AKT3: variants seen among roughly 807,000 people sequenced by gnomAD.
The protein encoded by AKT3 is RAC-gamma serine/threonine-protein kinase.
A neutral mutation model predicts 65.3 loss-of-function variants in AKT3; 15 were observed. The ratio of observed to expected loss-of-function variants is 0.23; its 90% CI spans 0.15 to 0.35. The LOEUF (loss-of-function observed/expected upper bound fraction) is 0.35, where lower values mean the gene tolerates loss of function less well. Ranked by LOEUF, AKT3 falls within the 10% of genes least tolerant of loss-of-function variation. AKT3 has a pLI of 1.00. For missense variants in AKT3, 243 were observed against 576.5 expected, an observed-to-expected ratio of 0.42 and a Z score of 5.92; for synonymous variants, 206 against 183.8, an observed-to-expected ratio of 1.12 and a Z score of -0.98.
intron 2 of AKT3, among the ~76,000 whole-genome samples, chr1:243,803,645 T>TACACACACAC (rs72379577): frequency 7.3e-6 from 1 of 136,628 alleles, no homozygotes; most frequent in African/African-American, 2.7e-5. Context: ...GACGTACATG[T>TACACACACAC]ACACACACAC....
intron 8 of AKT3, among the ~76,000 whole-genome samples, chr1:243,574,505 A>T (rs1674797554): frequency 6.6e-6 from 1 of 152,170 alleles, no homozygotes; most frequent in South Asian, 2.1e-4. Flanking sequence ...AAGGTAAAAA[A>T]GGTTGTCAGT....
At position 243,810,160 on chromosome 1, in the gene AKT3, C is replaced by A. The variant is rs1045708853; in HGVS notation, c.46+32965G>T. Reference sequence around the variant, plus strand: ...ACATTCAAAAGCTAGCAGAAGGCAACAAAATAACTAAGATGAGAGCAGAAC... The same window carrying A: ...ACATTCAAAAGCTAGCAGAAGGCAAAAAAATAACTAAGATGAGAGCAGAAC... On this transcript the variant is annotated intron_variant, in intron 2 of 13. Coordinates refer to ENST00000673466, the MANE Select transcript of AKT3 (RefSeq NM_005465.7). Among the ~76,000 whole-genome samples the A allele has an allele frequency of 2.0e-5, 3 of 151,958 alleles. No individual in the cohort carries two copies. In the South Asian group the frequency reaches 6.2e-4, roughly 32 times the overall value.
At position 243,608,743 on chromosome 1, in the gene AKT3, CTTTTTTTTTTTTTT is replaced by C. The variant is rs566574203; in HGVS notation, c.696+4914_696+4927del. 3.7e-4 allele frequency among the ~76,000 whole-genome samples: 26 copies of C among 70,796 alleles called. No homozygotes were observed. In the Middle Eastern group the frequency reaches 0.035, roughly 95 times the overall value. 46.4% of individuals were successfully genotyped at this position (70,796 alleles called of 152,430 possible). A position where few individuals can be genotyped will look rare whatever the true frequency, so the allele number is the denominator to read the frequency against. On this transcript the variant is annotated intron_variant, in intron 8 of 13. Transcript: ENST00000673466. ...TTTTCTACAGTAATTAAGTTTTTTGCTTTTTTTTTTTTTTTTTTTTTTTTTTTGAGACGGAGTCT... is the reference window on the plus strand; with the variant it reads ...TTTTCTACAGTAATTAAGTTTTTTGCTTTTTTTTTTTTTGAGACGGAGTCT...
chr1:243,528,575 T>A (rs1198138018), intron 12 of AKT3, among the ~76,000 whole-genome samples: 2 of 152,194 alleles, frequency 1.3e-5, no homozygotes, highest in East Asian at 1.9e-4. Flanking sequence ...ATATGCGGGA[T>A]TTTGTTTTCT....
chr1:243,825,555 T>C (rs1244398977), intron 2 of AKT3, among the ~76,000 whole-genome samples: 1 of 152,184 alleles, frequency 6.6e-6, no homozygotes, highest in African/African-American at 2.4e-5. Flanking sequence ...CTTCAAACTA[T>C]GTAATTTGGA....
intron 7 of AKT3, 98 bp from the exon 8 acceptor site, chr1:243,613,837 A>G: frequency 3.0e-6 from 2 of 671,734 alleles, no homozygotes; most frequent in Non-Finnish European, 4.5e-6. Flanking sequence ...GTAAGCATGA[A>G]AGATGAAAAG....
At chr1:243,632,361 A>G (rs1179632111) in intron 6 of AKT3, among the ~76,000 whole-genome samples, 1 of 152,188 alleles carries the variant, frequency 6.6e-6, no homozygotes, top group Non-Finnish European at 1.5e-5. Flanking sequence ...TATCTGGTGC[A>G]TTGTCAATGA....
intron 2 of AKT3, among the ~76,000 whole-genome samples, chr1:243,705,361 G>A (rs554922434): frequency 6.6e-6 from 1 of 152,152 alleles, no homozygotes; most frequent in Non-Finnish European, 1.5e-5. Flanking sequence ...TGGTTGGTTT[G>A]TTAGTACTTT....
chr1:243,671,175 T>G (rs6429430), intron 3 of AKT3, among the ~76,000 whole-genome samples: 35,349 of 151,354 alleles, frequency 0.23, 4,529 homozygotes, highest in East Asian at 0.32. Flanking sequence ...CCTCCCGGGT[T>G]CATGCCATTC....
At position 243,552,797 on chromosome 1, in the gene AKT3, A is replaced by C; in HGVS notation, c.1095T>G (p.Phe365Leu). 6.2e-7 allele frequency: 1 copy of C among 1,614,066 alleles called. No homozygotes were observed. The highest frequency in any genetic ancestry group is 8.5e-7 in the Non-Finnish European group (1 of 1,179,992). The change falls in exon 11 of 14, where the codon TTT becomes TTG. Residue 365 changes from phenylalanine to leucine, a missense_variant. Coordinates refer to ENST00000673466, the MANE Select transcript of AKT3 (RefSeq NM_005465.7). Reference protein sequence around the residue: ...FELILMEDIKFPRTLSSDAKS... With the variant: ...FELILMEDIKLPRTLSSDAKS... ...TTGCATCTGAAGAGAGTGTTCGAGG[A>C]AATTTAATGTCTTCCATTAATATTA...
chr1:243,653,449 C>T (rs1264516426), intron 4 of AKT3, among the ~76,000 whole-genome samples: 1 of 152,170 alleles, frequency 6.6e-6, no homozygotes, highest in Admixed American at 6.5e-5. Context: ...CCTTCTGAAA[C>T]TATTCCAAAC....
chr1:243,489,034 ACAGCCAGGCCACAGCC>A (rs777167475), intron 13 of AKT3: 2 of 1,613,400 alleles, frequency 1.2e-6, no homozygotes, highest in Non-Finnish European at 1.7e-6. Flanking sequence ...CTGGATAAGC[ACAGCCAGGCCACAGCC>A]CAGCAGCTGG....
At chr1:243,755,955 T>A (rs950382270) in intron 2 of AKT3, among the ~76,000 whole-genome samples, 3 of 152,146 alleles carry the variant, frequency 2.0e-5, no homozygotes, top group Admixed American at 6.5e-5. Flanking sequence ...TCAAGCCCAA[T>A]CAAGGAAGTG....
chr1:243,690,248 G>C (rs987401584), intron 3 of AKT3, among the ~76,000 whole-genome samples: 1 of 152,120 alleles, frequency 6.6e-6, no homozygotes, highest in Admixed American at 6.5e-5. Flanking sequence ...CTCCATGTGG[G>C]AACTACTCCC....
chr1:243,742,853 CTT>C (rs1180401247), intron 2 of AKT3, among the ~76,000 whole-genome samples: 12 of 142,736 alleles, frequency 8.4e-5, no homozygotes, highest in Admixed American at 2.1e-4. Flanking sequence ...TCCAGGGTAT[CTT>C]TTTTTTTTTT....
chr1:243,850,700 C>T (rs1366933550), upstream of AKT3, among the ~76,000 whole-genome samples: 1 of 151,884 alleles, frequency 6.6e-6, no homozygotes, highest in Non-Finnish European at 1.5e-5. Flanking sequence ...CCGGCCCTGC[C>T]CGCCGCCTCT....
chr1:243,712,068 C>A (rs1377651255), intron 2 of AKT3, among the ~76,000 whole-genome samples: 5 of 152,120 alleles, frequency 3.3e-5, no homozygotes, highest in African/African-American at 1.2e-4. Context: ...ATAACAAACA[C>A]CTTCTACTTA....
intron 2 of AKT3, among the ~76,000 whole-genome samples, chr1:243,828,795 G>A (rs1057302026): frequency 3.3e-5 from 5 of 152,110 alleles, no homozygotes; most frequent in South Asian, 4.1e-4. Context: ...ATTTTTGACC[G>A]TGCAGGTGGT....
chr1:243,747,347 G>T (rs146135130), intron 2 of AKT3, among the ~76,000 whole-genome samples: 87 of 152,282 alleles, frequency 5.7e-4, no homozygotes, highest in African/African-American at 2.0e-3. Context: ...AATTAAAAGG[G>T]AATTAGAGGA....
Sources: gnomAD v4.1 joint callset for allele counts (sites outside exome capture counted in the v4.1 genomes callset) on GRCh38, gnomAD v4.1.1 for gene constraint, MANE v1.5 for transcripts, NCBI Gene and HGNC (gene_info 2026-07-23, HGNC 2026-07-21) for gene names.